The following DAB1 variants were observed in gnomAD, a reference collection of about 807,000 sequenced individuals.
The protein encoded by DAB1 is disabled homolog 1.
Under a neutral mutation model 64.6 loss-of-function variants are expected in DAB1, and 15 were observed. The observed-to-expected ratio is 0.23, with a 90% confidence interval of 0.16 to 0.36. The LOEUF is 0.36. DAB1 is among the 10% of genes least tolerant of loss of function. DAB1 has a pLI of 1.00. For missense variants in DAB1, 596 were observed against 706.7 expected (o/e 0.84, Z 1.78); for synonymous variants, 235 against 251.9 (o/e 0.93, Z 0.64).
chr1:58,259,222 A>G (rs2100415310), intron 4 of DAB1, among the ~76,000 whole-genome samples: 1 of 152,316 alleles, frequency 6.6e-6, no homozygotes, highest in East Asian at 1.9e-4. Flanking sequence ...CCAGAGATGG[A>G]GCAGTGTGCA....
intron 4 of DAB1, among the ~76,000 whole-genome samples, chr1:58,322,012 G>A (rs113961698): frequency 0.025 from 3,843 of 152,286 alleles, 180 homozygotes; most frequent in African/African-American, 0.086. Flanking sequence ...CTCCAAGTAG[G>A]GGCTGACTGA....
At chr1:58,536,896 A>G (rs1345358370) in intron 1 of DAB1, among the ~76,000 whole-genome samples, 1 of 152,204 alleles carries the variant, frequency 6.6e-6, no homozygotes, top group Non-Finnish European at 1.5e-5. Flanking sequence ...TAAAATTCTT[A>G]GCTAAATGAT....
At chr1:58,496,159 T>A (rs2100392511) in intron 3 of DAB1, among the ~76,000 whole-genome samples, 1 of 152,120 alleles carries the variant, frequency 6.6e-6, no homozygotes, top group Middle Eastern at 3.4e-3. Context: ...TATTCTTTCA[T>A]TTTTTTAGAC....
intron 6 of DAB1, among the ~76,000 whole-genome samples, chr1:57,782,534 C>A (rs1308574146): frequency 6.6e-6 from 1 of 152,140 alleles, no homozygotes; most frequent in Non-Finnish European, 1.5e-5. Context: ...ATCATCTATG[C>A]CAATATCATG....
intron 4 of DAB1, among the ~76,000 whole-genome samples, chr1:58,245,122 TG>T (rs1330716816): frequency 6.6e-6 from 1 of 152,192 alleles, no homozygotes; most frequent in African/African-American, 2.4e-5. Context: ...AGAACAGTAC[TG>T]GGGAAAAGAG....
intron 5 of DAB1, among the ~76,000 whole-genome samples, chr1:58,134,349 T>C (rs888357381): frequency 6.6e-6 from 1 of 152,182 alleles, no homozygotes; most frequent in Admixed American, 6.5e-5. Flanking sequence ...GTTTCTTTTA[T>C]AAGCCACCAA....
intron 3 of DAB1, chr1:58,469,117 A>G (rs338239): frequency 0.87 from 144,513 of 166,396 alleles, 63,509 homozygotes; most frequent in African/African-American, 0.95. Context: ...GTCACAGCAA[A>G]CCACTTTCAT....
intron 3 of DAB1, chr1:58,481,027 G>C: frequency 1.1e-6 from 1 of 871,562 alleles, no homozygotes. Context: ...TTTTGAATAG[G>C]AAGAGTATCC....
intron 1 of DAB1, among the ~76,000 whole-genome samples, chr1:57,339,181 A>G (rs529312311): frequency 9.6e-5 from 14 of 145,502 alleles, no homozygotes; most frequent in Non-Finnish European, 1.9e-4. Context: ...TTCGAGACAG[A>G]GTCTCGCTCT....
chr1:58,345,198 C>A (rs1038665947), intron 3 of DAB1, among the ~76,000 whole-genome samples: 1 of 152,206 alleles, frequency 6.6e-6, no homozygotes, highest in Non-Finnish European at 1.5e-5. Flanking sequence ...CCCTCCCAGA[C>A]CTTAGCCTAC....
downstream of DAB1, among the ~76,000 whole-genome samples, chr1:57,825,491 T>C (rs1652304064): frequency 6.6e-6 from 1 of 152,154 alleles, no homozygotes; most frequent in Non-Finnish European, 1.5e-5. Flanking sequence ...AGTTTATATC[T>C]CTGGATTTTA....
intron 3 of DAB1, among the ~76,000 whole-genome samples, chr1:58,388,243 C>G (rs1317792427): frequency 6.6e-6 from 1 of 152,158 alleles, no homozygotes; most frequent in African/African-American, 2.4e-5. Flanking sequence ...CCTTATTATA[C>G]TAACAGAACT....
Position 58,397,288 on chromosome 1 carries a change from G to T in DAB1, n.258-53885C>A, listed in dbSNP as rs986602165. On this transcript the variant is annotated intron_variant and non_coding_transcript_variant, in intron 3 of 20. Transcript: ENST00000485760. Reference sequence around the variant, plus strand: ...CCTGACCTCAAAGCATATGGGGATTGGTTGTTCTGACATTTCATGCAGAAA... The same window carrying T: ...CCTGACCTCAAAGCATATGGGGATTTGTTGTTCTGACATTTCATGCAGAAA... Among the ~76,000 whole-genome samples the T allele has an allele frequency of 6.0e-4, 92 of 152,162 alleles. 1 individual carries two copies. The highest frequency in any genetic ancestry group is 2.2e-3 in the African/African-American group (92 of 41,438).
In DAB1 at chr1:57,728,612, A is replaced by C. The variant is rs200087432; in HGVS notation, n.552-78947T>G. Among the ~76,000 whole-genome samples, 49 of 151,772 alleles carry C rather than the reference A, an allele frequency of 3.2e-4. No individual in the cohort carries two copies. The East Asian group carries it at 6.2e-3, about 19-fold the overall frequency. On this transcript the variant is annotated intron_variant and non_coding_transcript_variant, in intron 6 of 20. Coordinates refer to the DAB1 transcript ENST00000485760. ...CCGTCTCAAAAAAAAACAACAACAA[A>C]AAAAAACCACCCCCTGAGATGTGAT...
intron 3 of DAB1, among the ~76,000 whole-genome samples, chr1:58,344,339 G>A (rs1452321463): frequency 2.0e-5 from 3 of 152,052 alleles, no homozygotes; most frequent in Non-Finnish European, 2.9e-5. Flanking sequence ...GGAAATTAGT[G>A]GTCCAGTGAA....
chr1:57,870,108 C>G (rs796451881), intron 1 of DAB1, among the ~76,000 whole-genome samples: 17 of 152,248 alleles, frequency 1.1e-4, no homozygotes, highest in African/African-American at 4.1e-4. Flanking sequence ...TGGGGGCAAT[C>G]ATACCTACCT....
intron 9 of DAB1, among the ~76,000 whole-genome samples, chr1:57,035,666 A>T (rs1647118173): frequency 6.6e-6 from 1 of 152,022 alleles, no homozygotes; most frequent in African/African-American, 2.4e-5. Context: ...CAGTTTTCTC[A>T]TCTTTAAAGT....
intron 9 of DAB1, among the ~76,000 whole-genome samples, chr1:57,039,229 T>C (rs933048250): frequency 2.0e-5 from 3 of 152,302 alleles, no homozygotes; most frequent in Admixed American, 2.0e-4. Flanking sequence ...ATAACAATGC[T>C]TACAATGTGG....
intron 7 of DAB1, among the ~76,000 whole-genome samples, chr1:57,609,102 C>T (rs948404228): frequency 2.0e-5 from 3 of 152,146 alleles, no homozygotes; most frequent in Non-Finnish European, 2.9e-5. Context: ...ACCTTTTGTT[C>T]TCAGCATGGC....
Sources: allele counts gnomAD v4.1 joint callset (sites outside exome capture counted in the v4.1 genomes callset), GRCh38; gene constraint gnomAD v4.1.1; transcripts MANE v1.5; gene names NCBI Gene and HGNC (gene_info 2026-07-23, HGNC 2026-07-21).